The following PACSIN1 variants were observed in gnomAD, a reference collection of about 807,000 sequenced individuals.
The protein encoded by PACSIN1 is protein kinase C and casein kinase substrate in neurons protein 1.
In PACSIN1, 15 loss-of-function variants were observed where a neutral mutation model predicts 59.5. That is an observed-to-expected ratio of 0.25 (90% CI 0.17 to 0.39). The LOEUF (loss-of-function observed/expected upper bound fraction) is 0.39. Among genes scored for constraint, PACSIN1 ranks in the 10% least tolerant of loss-of-function variants. The pLI, the probability that PACSIN1 is intolerant of heterozygous loss-of-function variation, is 1.00. For synonymous variants in PACSIN1, 210 were observed against 220.6 expected (o/e 0.95, Z 0.42); for missense variants, 420 against 580.2 (o/e 0.72, Z 2.84).
rs765423175 is a variant in PACSIN1 at position 34,510,865 on chromosome 6, G to A, written c.-63-15378G>A. Among the ~76,000 whole-genome samples, 93 of 152,188 alleles carry A rather than the reference G, an allele frequency of 6.1e-4. 2 individuals carry two copies. The highest frequency in any genetic ancestry group is 4.6e-4 in the Non-Finnish European group (31 of 67,990). ...GTAGCTGGGACTACAGGCACATGCC[G>A]CCATGCCCAGCTAATTTTTTGTATT... On this transcript the variant is annotated intron_variant, in intron 1 of 9. Transcript: ENST00000244458.
chr6:34,482,867 A>T (rs546839002), intron 1 of PACSIN1, among the ~76,000 whole-genome samples: 1 of 151,376 alleles, frequency 6.6e-6, no homozygotes, highest in South Asian at 2.1e-4. Context: ...TATTTTTTTT[A>T]GTAGAGACGG....
In PACSIN1 at chr6:34,530,881, C is replaced by T. The variant is rs952360239; in HGVS notation, c.1037+294C>T. 6.6e-6 allele frequency among the ~76,000 whole-genome samples: 1 copy of T among 152,202 alleles called. No homozygotes were observed. The highest frequency in any genetic ancestry group is 2.4e-5 in the African/African-American group (1 of 41,446). On this transcript the variant is annotated intron_variant, in intron 8 of 9. Transcript: ENST00000244458. This position sits in a 1 kb window ranked among gnomAD's most constrained non-coding sequence, Gnocchi z 4.4. The stretch of plus-strand genomic sequence containing the variant: ...TCCTAAGGAACGTGCAACCTGGATC[C>T]CTCGCATGCGCAGTTCACAATAGGG...
chr6:34,507,063 C>T (rs569717134), intron 1 of PACSIN1, among the ~76,000 whole-genome samples: 5 of 152,254 alleles, frequency 3.3e-5, no homozygotes, highest in Non-Finnish European at 7.4e-5. Flanking sequence ...TTTTGTCTTG[C>T]TAGGCTGGGT....
rs1767246582 is a variant in PACSIN1, at chr6:34,514,043, ATAT to A, written c.-63-12197_-63-12195del. The stretch of plus-strand genomic sequence containing the variant: ...GTGTCTTAAAGATGTGCGTATGCTG[ATAT>A]TAGTGTCACAGTTACGTGTGTGTGT... On this transcript the variant is annotated intron_variant, in intron 1 of 9. Transcript: ENST00000244458. The surrounding 1 kb of genome is among the most constrained non-coding windows in gnomAD (Gnocchi z 4.4). Among the ~76,000 whole-genome samples, 1 of 152,144 alleles carries A rather than the reference ATAT, an allele frequency of 6.6e-6. No homozygotes were observed. Among genetic ancestry groups the A allele is most frequent in the African/African-American group, 2.4e-5 (1 of 41,414 alleles).
At chr6:34,474,759 A>T (rs1008817400) in intron 1 of PACSIN1, among the ~76,000 whole-genome samples, 1 of 134,950 alleles carries the variant, frequency 7.4e-6, no homozygotes, top group African/African-American at 2.7e-5. Context: ...CACTGCATCC[A>T]GCCTGGGTGA....
chr6:34,475,001 G>A (rs1766619219), intron 1 of PACSIN1, among the ~76,000 whole-genome samples: 1 of 152,072 alleles, frequency 6.6e-6, no homozygotes, highest in Non-Finnish European at 1.5e-5. Flanking sequence ...GGCTCATGAT[G>A]TTCACATCTC....
intron 1 of PACSIN1, among the ~76,000 whole-genome samples, chr6:34,472,653 T>TA (rs148486058): frequency 0.013 from 2,011 of 152,304 alleles, 41 homozygotes; most frequent in African/African-American, 0.046. Context: ...GGAGAGTTTT[T>TA]ATCTGTGGTT....
At chr6:34,493,866 G>T (rs1766911751) in intron 1 of PACSIN1, among the ~76,000 whole-genome samples, 1 of 152,242 alleles carries the variant, frequency 6.6e-6, no homozygotes, top group African/African-American at 2.4e-5. Flanking sequence ...GCAGGGGTAA[G>T]CTTCGCTGCC....
rs1767509722 is a variant in PACSIN1, at chr6:34,527,470, C to G, written c.202C>G (p.Arg68Gly). ...QQLTDWAKRW[R>G]QLIEKGPQYG... ...GCTCACCGACTGGGCCAAGCGTTGG[C>G]GCCAGCTCATCGAGAAAGGTGCTCC... The change falls in exon 3 of 10, where the codon CGC becomes GGC. Residue 68 changes from arginine to glycine, a missense_variant. Physicochemically the swap from Arg to Gly is moderately radical, Grantham distance 125. Coordinates refer to ENST00000244458, the MANE Select transcript of PACSIN1 (RefSeq NM_020804.5). 1 of 1,593,218 alleles carries G rather than the reference C, an allele frequency of 6.3e-7. No homozygotes were observed. The highest frequency in any genetic ancestry group is 1.4e-5 in the African/African-American group (1 of 74,034).
chr6:34,515,464 C>T lies in PACSIN1; in HGVS notation c.-63-10779C>T, dbSNP rs1397224745. Among the ~76,000 whole-genome samples, 1 of 152,126 alleles carries T rather than the reference C, an allele frequency of 6.6e-6. No individual in the cohort carries two copies. Among genetic ancestry groups the T allele is most frequent in the Non-Finnish European group, 1.5e-5 (1 of 67,988 alleles). The stretch of plus-strand genomic sequence containing the variant: ...GGGAGGAGTAAGGATGCCCCTGCCC[C>T]ACTCAAGGCACTGCTAGGCTCTGGC... On this transcript the variant is annotated intron_variant, in intron 1 of 9. Coordinates refer to ENST00000244458, the MANE Select transcript of PACSIN1 (RefSeq NM_020804.5). The surrounding 1 kb of genome is among the most constrained non-coding windows in gnomAD (Gnocchi z 4.4).
rs779835961 is a variant in PACSIN1 at position 34,526,289 on chromosome 6, C to A, written c.-17C>A. 1 of 1,609,610 alleles carries A rather than the reference C, an allele frequency of 6.2e-7. No individual in the cohort carries two copies. The highest frequency in any genetic ancestry group is 1.1e-5 in the South Asian group (1 of 91,022). On this transcript the variant is annotated 5_prime_UTR_variant, in exon 2 of 10. Transcript: ENST00000244458. ...TAACCGCAGCTCCGCACTTGTCCAT[C>A]CCCCTGCGGCTACACCATGTCCAGC...
chr6:34,526,161 G>A, intron 1 of PACSIN1, 82 bp from the exon 2 acceptor site: 1 of 639,844 alleles, frequency 1.6e-6, no homozygotes, highest in Non-Finnish European at 2.7e-6. Context: ...GGTCCCATCG[G>A]TTTGGGGACC....
In PACSIN1 at chr6:34,527,603, G is replaced by A. The variant is rs151033864; in HGVS notation, c.220+115G>A. 335 of 961,048 alleles carry A rather than the reference G, an allele frequency of 3.5e-4. 2 individuals are homozygous for A. In the African/African-American group the frequency reaches 5.1e-3, roughly 15 times the overall value. The allele number at this position is 961,048 out of a possible 1,614,324, so 59.5% of individuals were successfully genotyped here. On this transcript the variant is annotated intron_variant, in intron 3 of 9. Coordinates refer to ENST00000244458, the MANE Select transcript of PACSIN1 (RefSeq NM_020804.5). ...CCATGCCCTCCATCTACCAGACACA[G>A]GACATTTTCAGGCGCTGTTCCCTCC...
At chr6:34,474,345 C>A (rs926139383) in intron 1 of PACSIN1, among the ~76,000 whole-genome samples, 1 of 152,166 alleles carries the variant, frequency 6.6e-6, no homozygotes, top group Non-Finnish European at 1.5e-5. Flanking sequence ...CCTCCACTAT[C>A]CTCTCCTAGA....
intron 1 of PACSIN1, among the ~76,000 whole-genome samples, chr6:34,502,149 C>G (rs1383527237): frequency 3.3e-5 from 5 of 152,048 alleles, no homozygotes; most frequent in African/African-American, 1.2e-4. Context: ...GTATTCACAC[C>G]CTGGTGCAGC....
In PACSIN1 at chr6:34,514,503, C is replaced by A. The variant is rs1267401998; in HGVS notation, c.-63-11740C>A. On this transcript the variant is annotated intron_variant, in intron 1 of 9. Coordinates refer to ENST00000244458, the MANE Select transcript of PACSIN1 (RefSeq NM_020804.5). This position sits in a 1 kb window ranked among gnomAD's most constrained non-coding sequence, Gnocchi z 4.4. ...GAAATGCTTCACCCAGCAGCAAGCG[C>A]TTAGATTTTAAGGACCCAAGCAAAG... is the stretch of plus-strand genomic sequence containing the variant. Among the ~76,000 whole-genome samples the A allele has an allele frequency of 6.6e-6, 1 of 152,056 alleles. No homozygotes were observed. Among genetic ancestry groups the A allele is most frequent in the African/African-American group, 2.4e-5 (1 of 41,386 alleles).
At chr6:34,524,690 A>G (rs1767453378) in intron 1 of PACSIN1, among the ~76,000 whole-genome samples, 1 of 152,268 alleles carries the variant, frequency 6.6e-6, no homozygotes, top group Admixed American at 6.5e-5. Context: ...ACTGTAGTAA[A>G]TAATCTTGTG....
chr6:34,469,041 C>T (rs926003949), intron 1 of PACSIN1, among the ~76,000 whole-genome samples: 4 of 152,112 alleles, frequency 2.6e-5, no homozygotes, highest in African/African-American at 9.6e-5. Flanking sequence ...TGGTAGAAAG[C>T]CTTCCCTGGA....
chr6:34,489,496 T>A (rs983338019), intron 1 of PACSIN1, among the ~76,000 whole-genome samples: 11 of 152,074 alleles, frequency 7.2e-5, no homozygotes, highest in African/African-American at 2.2e-4. Flanking sequence ...CAGCCACACC[T>A]CCTTCAATGG....
Sources: gnomAD v4.1 joint callset for allele counts (sites outside exome capture counted in the v4.1 genomes callset) on GRCh38, gnomAD v4.1.1 for gene constraint, Gnocchi (gnomAD v3.1) non-coding constraint, MANE v1.5 for transcripts, NCBI Gene and HGNC (gene_info 2026-07-23, HGNC 2026-07-21) for gene names.